The following COL23A1 variants were observed in gnomAD, a reference collection of about 807,000 sequenced individuals.
COL23A1 encodes the protein collagen type XXIII alpha 1 chain.
COL23A1 carries 97 observed loss-of-function variants against 99.3 expected under a neutral mutation model. That is an observed-to-expected ratio of 0.98 (90% confidence interval 0.83 to 1.16). The LOEUF (loss-of-function observed/expected upper bound fraction) is 1.16, where lower values mean the gene tolerates loss of function less well. Ranked by LOEUF, COL23A1 falls within the 50% of genes most tolerant of loss-of-function variation. The probability of loss-of-function intolerance (pLI) is 0.00; values close to 1 mark genes in which losing one functional copy is unlikely to be tolerated. For synonymous variants in COL23A1, 320 were observed against 308.2 expected, an observed-to-expected ratio of 1.04 and a Z score of -0.40; for missense variants, 762 against 757.4, an observed-to-expected ratio of 1.01 and a Z score of -0.07.
intron 2 of COL23A1, among the ~76,000 whole-genome samples, chr5:178,316,456 G>A (rs914671929): frequency 2.0e-5 from 3 of 152,180 alleles, no homozygotes; most frequent in Admixed American, 6.5e-5. Context: ...GCCTTGGCTG[G>A]ATTTCATCAA....
At chr5:178,358,781 ATG>A (rs1193142757) in intron 2 of COL23A1, among the ~76,000 whole-genome samples, 1 of 150,188 alleles carries the variant, frequency 6.7e-6, no homozygotes, top group Non-Finnish European at 1.5e-5. Flanking sequence ...GTGTATGTGT[ATG>A]TGTGTAAACA....
Position 178,371,588 on chromosome 5 carries a change from C to A in COL23A1, c.362-64669G>T, listed in dbSNP as rs374629364. Reference sequence around the variant, plus strand: ...GAGCCTCCCTCAGGGGCACTGTCACCAACCCCTGGGCCAAATGACCTTTGT... The same window carrying A: ...GAGCCTCCCTCAGGGGCACTGTCACAAACCCCTGGGCCAAATGACCTTTGT... On this transcript the variant is annotated intron_variant, in intron 2 of 28. Transcript: ENST00000390654. Among the ~76,000 whole-genome samples, 88 of 152,336 alleles carry A rather than the reference C, an allele frequency of 5.8e-4. 1 individual carries two copies. In the South Asian group the frequency reaches 0.017, roughly 30 times the overall value.
intron 2 of COL23A1, among the ~76,000 whole-genome samples, chr5:178,327,048 A>G (rs1759727058): frequency 6.6e-6 from 1 of 152,240 alleles, no homozygotes; most frequent in African/African-American, 2.4e-5. Flanking sequence ...TCGGGGGTGA[A>G]TGAATGACTT....
intron 2 of COL23A1, among the ~76,000 whole-genome samples, chr5:178,456,106 T>C (rs2647689): frequency 0.89 from 135,864 of 152,240 alleles, 60,846 homozygotes; most frequent in East Asian, 1. Context: ...CAGATTGTTC[T>C]GCAGATGGTG....
At chr5:178,329,847 G>A (rs1349210031) in intron 2 of COL23A1, among the ~76,000 whole-genome samples, 1 of 151,656 alleles carries the variant, frequency 6.6e-6, no homozygotes, top group African/African-American at 2.4e-5. Flanking sequence ...TGAGGCAGGA[G>A]AACTACTTGA....
chr5:178,238,868 C>T (rs1764245280), intron 28 of COL23A1, among the ~76,000 whole-genome samples, 168 bp from the exon 29 acceptor site: 1 of 152,130 alleles, frequency 6.6e-6, no homozygotes, highest in Non-Finnish European at 1.5e-5. Flanking sequence ...GCACTGATGG[C>T]TTTGCCCTGC....
In COL23A1 at chr5:178,313,152, G is replaced by A. The variant is rs1332538697; in HGVS notation, c.362-6233C>T. Among the ~76,000 whole-genome samples, 1 of 152,182 alleles carries A rather than the reference G, an allele frequency of 6.6e-6. No individual in the cohort carries two copies. Among genetic ancestry groups the A allele is most frequent in the Admixed American group, 6.5e-5 (1 of 15,278 alleles). On this transcript the variant is annotated intron_variant, in intron 2 of 28. Transcript: ENST00000390654. The surrounding 1 kb of genome is among the most constrained non-coding windows in gnomAD (Gnocchi z 4.2). Reference sequence around the variant, plus strand: ...GCTCCTGCAGTCGCCAGATTCACAGGGGCAGAAGGTGGAATAGGGGGTGCC... The same window carrying A: ...GCTCCTGCAGTCGCCAGATTCACAGAGGCAGAAGGTGGAATAGGGGGTGCC...
chr5:178,479,331 C>T (rs144851411), intron 2 of COL23A1, among the ~76,000 whole-genome samples: 147 of 152,288 alleles, frequency 9.7e-4, no homozygotes, highest in Non-Finnish European at 1.6e-3. Flanking sequence ...CTCACTCCCA[C>T]GCCTGTGCTC....
rs1349016459 is a variant in COL23A1, at chr5:178,365,760, C to G, written c.362-58841G>C. The stretch of plus-strand genomic sequence containing the variant: ...TCTCCACGCCCAGTTCTGATGTCAC[C>G]TTTCTCACACCCAGGAGTCCTCTGT... On this transcript the variant is annotated intron_variant, in intron 2 of 28. Coordinates refer to ENST00000390654, the MANE Select transcript of COL23A1 (RefSeq NM_173465.4). This position sits in a 1 kb window ranked among gnomAD's most constrained non-coding sequence, Gnocchi z 5.2. Among the ~76,000 whole-genome samples the G allele has an allele frequency of 6.6e-6, 1 of 152,078 alleles. No individual in the cohort carries two copies. The highest frequency in any genetic ancestry group is 1.5e-5 in the Non-Finnish European group (1 of 68,008).
At chr5:178,537,316 T>C (rs262020) in intron 2 of COL23A1, among the ~76,000 whole-genome samples, 78,050 of 151,990 alleles carry the variant, frequency 0.51, 22,074 homozygotes, top group Admixed American at 0.68. Flanking sequence ...AGGCCCGGGG[T>C]CGTATTCAGA....
intron 2 of COL23A1, among the ~76,000 whole-genome samples, chr5:178,442,164 T>TA (rs986622849): frequency 1.8e-3 from 266 of 147,652 alleles, no homozygotes; most frequent in African/African-American, 5.3e-3. Context: ...CCCAGATGAT[T>TA]AAAAAAAAAA....
At position 178,307,045 on chromosome 5, in the gene COL23A1, G is replaced by T. The variant is rs1023765975; in HGVS notation, c.362-126C>A. On this transcript the variant is annotated intron_variant, in intron 2 of 28. Coordinates refer to ENST00000390654, the MANE Select transcript of COL23A1 (RefSeq NM_173465.4). The surrounding 1 kb of genome is among the most constrained non-coding windows in gnomAD (Gnocchi z 4.2). ...TTCTGGGAGTGGCCTGCCCGAGGGG[G>T]TCTGCTGGCTGTGGAGGGGGAGATG... 8.3e-6 allele frequency: 5 copies of T among 602,000 alleles called. No homozygotes were observed. Among genetic ancestry groups the T allele is most frequent in the African/African-American group, 5.9e-5 (3 of 51,088 alleles). The allele number at this position is 602,000 out of a possible 1,614,324, so 37.3% of individuals were successfully genotyped here.
rs1259991293 is a variant in COL23A1 at position 178,268,745 on chromosome 5, G to A, written c.480C>T (p.Gly160=). 6.2e-7 allele frequency: 1 copy of A among 1,603,380 alleles called. No individual in the cohort carries two copies. The highest frequency in any genetic ancestry group is 2.2e-5 in the East Asian group (1 of 44,544). Residue 160 remains glycine, a synonymous_variant, in exon 7 of 29, where the codon GGC becomes GGT. Coordinates refer to ENST00000390654, the MANE Select transcript of COL23A1 (RefSeq NM_173465.4). ...LGLDGKPGLP[G]PKGEKGAPGD... Reference sequence around the variant, plus strand: ...CATCACTTACCTTTTCCCCTTTCGGGCCTGGAAGTCCCTGGAAAAGGAAAG... The same window carrying A: ...CATCACTTACCTTTTCCCCTTTCGGACCTGGAAGTCCCTGGAAAAGGAAAG...
intron 5 of COL23A1, 132 bp from the exon 6 acceptor site, chr5:178,270,495 T>C (rs1756227869): frequency 6.5e-6 from 7 of 1,075,680 alleles, no homozygotes; most frequent in Non-Finnish European, 9.7e-6. Flanking sequence ...GTTCAGTCCA[T>C]GTGGCCTGGG....
rs140114782 is a variant in COL23A1, at chr5:178,411,197, G to A, written c.362-104278C>T. 2.6e-5 allele frequency among the ~76,000 whole-genome samples: 4 copies of A among 152,274 alleles called. No individual in the cohort carries two copies. In the East Asian group the frequency reaches 7.7e-4, roughly 29 times the overall value. On this transcript the variant is annotated intron_variant, in intron 2 of 28. Coordinates refer to ENST00000390654, the MANE Select transcript of COL23A1 (RefSeq NM_173465.4). The stretch of plus-strand genomic sequence containing the variant: ...AAAATTGGAACCTTTGTACACTGCT[G>A]GTAGGAATGTAAAATTGTTCGGCTC...
At chr5:178,420,435 G>A (rs56236185) in intron 2 of COL23A1, among the ~76,000 whole-genome samples, 1 of 66,896 alleles carries the variant, frequency 1.5e-5, no homozygotes, top group Non-Finnish European at 2.8e-5. Flanking sequence ...CCCCTCCCCC[G>A]CTCTTTCCTC....
At chr5:178,284,740 A>G (rs6868187) in intron 5 of COL23A1, among the ~76,000 whole-genome samples, 4,042 of 152,314 alleles carry the variant, frequency 0.027, 70 homozygotes, top group Non-Finnish European at 0.037. Context: ...TGATGCAGAA[A>G]AGTCTCATGC....
intron 27 of COL23A1, among the ~76,000 whole-genome samples, chr5:178,239,518 G>T (rs553023686): frequency 2.8e-4 from 42 of 151,448 alleles, no homozygotes; most frequent in Admixed American, 2.3e-3. Context: ...GCCGAGAGCC[G>T]TGTGGCTTCC....
chr5:178,565,556 GA>G (rs1762801577), intron 1 of COL23A1, among the ~76,000 whole-genome samples: 2 of 152,136 alleles, frequency 1.3e-5, no homozygotes, highest in African/African-American at 2.4e-5. Flanking sequence ...CCACGATGAT[GA>G]TGATAACAAA....
Sources: gnomAD v4.1 joint callset for allele counts (sites outside exome capture counted in the v4.1 genomes callset) on GRCh38, gnomAD v4.1.1 for gene constraint, Gnocchi (gnomAD v3.1) non-coding constraint, MANE v1.5 for transcripts, NCBI Gene and HGNC (gene_info 2026-07-23, HGNC 2026-07-21) for gene names.